Variants in GRIK1 observed in about 807,000 individuals in gnomAD.
The protein encoded by GRIK1 is glutamate receptor ionotropic, kainate 1.
Under a neutral mutation model 105.7 loss-of-function variants are expected in GRIK1, and 69 were observed. The observed-to-expected ratio is 0.65, with a 90% CI of 0.54 to 0.80. The LOEUF (loss-of-function observed/expected upper bound fraction) is 0.80, where lower values mean the gene tolerates loss of function less well. GRIK1 is among the 30% of genes least tolerant of loss of function. The probability of loss-of-function intolerance (pLI) is 0.00; values close to 1 mark genes in which losing one functional copy is unlikely to be tolerated. For missense variants in GRIK1, 1,109 were observed against 1,167.3 expected (o/e 0.95, Z 0.73); for synonymous variants, 438 against 431.3 (o/e 1.02, Z -0.19).
chr21:29,766,350 C>T (rs1428939611), intron 1 of GRIK1, among the ~76,000 whole-genome samples: 1 of 152,180 alleles, frequency 6.6e-6, no homozygotes, highest in Non-Finnish European at 1.5e-5. Context: ...TGAGTAGGTG[C>T]TACTGGCTTC....
chr21:29,619,507 T>C (rs2061938231), intron 7 of GRIK1, among the ~76,000 whole-genome samples: 1 of 152,014 alleles, frequency 6.6e-6, no homozygotes, highest in African/African-American at 2.4e-5. Flanking sequence ...GGGTGAGCGG[T>C]AAAATACTAC....
intron 7 of GRIK1, among the ~76,000 whole-genome samples, chr21:29,632,763 G>T (rs1041230789): frequency 5.3e-5 from 8 of 152,160 alleles, no homozygotes; most frequent in African/African-American, 1.9e-4. Context: ...AGTCCCTGAT[G>T]CTATTTTATA....
chr21:29,544,729 T>A (rs1408996963), intron 16 of GRIK1, among the ~76,000 whole-genome samples: 1 of 152,198 alleles, frequency 6.6e-6, no homozygotes, highest in African/African-American at 2.4e-5. Flanking sequence ...ATTGTAAAAG[T>A]TTGACATTAA....
At chr21:29,883,147 G>A (rs901583984) in intron 1 of GRIK1, among the ~76,000 whole-genome samples, 1 of 152,038 alleles carries the variant, frequency 6.6e-6, no homozygotes, top group African/African-American at 2.4e-5. Flanking sequence ...ATATTTGGAA[G>A]GTAACTTAAC....
At chr21:29,919,068 G>T (rs556016034) in intron 1 of GRIK1, among the ~76,000 whole-genome samples, 2 of 152,046 alleles carry the variant, frequency 1.3e-5, no homozygotes, top group East Asian at 3.9e-4. Context: ...TGAGACATCT[G>T]CAGCTTTAGG....
chr21:29,712,264 T>A (rs1011138490), intron 1 of GRIK1, among the ~76,000 whole-genome samples: 5 of 152,100 alleles, frequency 3.3e-5, no homozygotes, highest in African/African-American at 1.2e-4. Context: ...AACACAAAAG[T>A]TTATTTAGGT....
At chr21:29,718,583 A>G (rs1024060909) in intron 1 of GRIK1, among the ~76,000 whole-genome samples, 2 of 152,238 alleles carry the variant, frequency 1.3e-5, no homozygotes, top group African/African-American at 2.4e-5. Context: ...TTCAACAGTG[A>G]TTCAAAGAGA....
intron 1 of GRIK1, among the ~76,000 whole-genome samples, chr21:29,871,001 G>A (rs1465809714): frequency 6.6e-6 from 1 of 152,022 alleles, no homozygotes; most frequent in African/African-American, 2.4e-5. Flanking sequence ...ACAGATCAAG[G>A]TGCCTTGCAA....
chr21:29,719,772 A>C (rs1003312949), intron 1 of GRIK1, among the ~76,000 whole-genome samples: 6 of 152,220 alleles, frequency 3.9e-5, no homozygotes, highest in African/African-American at 1.4e-4. Flanking sequence ...AGTTTGAATT[A>C]AGCTTTCTAA....
chr21:29,580,037 GTATATATGTATATA>G (rs2090987120), intron 13 of GRIK1, among the ~76,000 whole-genome samples: 1 of 139,712 alleles, frequency 7.2e-6, no homozygotes, highest in Non-Finnish European at 1.5e-5. Context: ...GTATATATGT[GTATATATGTATATA>G]TGTATATATA....
intron 1 of GRIK1, among the ~76,000 whole-genome samples, chr21:29,813,722 G>T (rs2145900129): frequency 6.6e-6 from 1 of 152,090 alleles, no homozygotes; most frequent in African/African-American, 2.4e-5. Flanking sequence ...GAGCACAAAT[G>T]CATATGATTT....
In GRIK1 at chr21:29,871,062, G is replaced by A. The variant is rs182873877; in HGVS notation, c.118+68321C>T. Among the ~76,000 whole-genome samples, 29 of 152,176 alleles carry A rather than the reference G, an allele frequency of 1.9e-4. No homozygotes were observed. The East Asian group carries it at 5.2e-3, about 27-fold the overall frequency. Reference sequence around the variant, plus strand: ...CTTCTACCTCCGGTCTGTCCTTCAGGGCTGGGCAGGATTGCTGCTTTGCTG... The same window carrying A: ...CTTCTACCTCCGGTCTGTCCTTCAGAGCTGGGCAGGATTGCTGCTTTGCTG... On this transcript the variant is annotated intron_variant, in intron 1 of 17. Transcript: ENST00000327783.
intron 14 of GRIK1, among the ~76,000 whole-genome samples, chr21:29,574,576 C>G (rs1388618842): frequency 6.6e-6 from 1 of 151,760 alleles, no homozygotes; most frequent in Non-Finnish European, 1.5e-5. Flanking sequence ...TAGGAAAATA[C>G]TTTCTGCAGC....
intron 7 of GRIK1, among the ~76,000 whole-genome samples, chr21:29,600,676 TC>T (rs1463179373): frequency 6.6e-6 from 1 of 152,218 alleles, no homozygotes; most frequent in Non-Finnish European, 1.5e-5. Flanking sequence ...CAGTGAATTT[TC>T]CATACCTCTA....
chr21:29,759,121 C>CTTTTTT (rs368468748), intron 1 of GRIK1: 1 of 144,484 alleles, frequency 6.9e-6, no homozygotes. Flanking sequence ...TTTTCTTTTT[C>CTTTTTT]TTTTCTTTTT....
intron 7 of GRIK1, among the ~76,000 whole-genome samples, 184 bp from the exon 8 acceptor site, chr21:29,599,121 A>G (rs1334411896): frequency 6.6e-6 from 1 of 152,194 alleles, no homozygotes; most frequent in Non-Finnish European, 1.5e-5. Context: ...ATTAGCACTC[A>G]TTTATTCTGT....
chr21:29,620,816 T>TAG (rs2061980834), intron 7 of GRIK1, among the ~76,000 whole-genome samples: 1 of 114,258 alleles, frequency 8.8e-6, no homozygotes. Flanking sequence ...GATATATATA[T>TAG]ATAGTAATAA....
chr21:29,927,795 C>A (rs753107236), intron 1 of GRIK1, among the ~76,000 whole-genome samples: 1 of 151,792 alleles, frequency 6.6e-6, no homozygotes, highest in African/African-American at 2.4e-5. Context: ...CACTTGAACC[C>A]GGGAGGTGGA....
chr21:29,639,452 G>A (rs2832417), intron 7 of GRIK1, among the ~76,000 whole-genome samples: 9,999 of 152,202 alleles, frequency 0.066, 469 homozygotes, highest in African/African-American at 0.12. Flanking sequence ...GAGTTGAGAC[G>A]TAAAGCATGA....
Sources: allele counts gnomAD v4.1 joint callset (sites outside exome capture counted in the v4.1 genomes callset), GRCh38; gene constraint gnomAD v4.1.1; transcripts MANE v1.5; gene names NCBI Gene and HGNC (gene_info 2026-07-23, HGNC 2026-07-21).